Variants in KAT14 observed in about 807,000 individuals in gnomAD.
KAT14 encodes cysteine-rich protein 2-binding protein.
Under a neutral mutation model 78.4 loss-of-function variants are expected in KAT14, and 66 were observed. The ratio of observed to expected loss-of-function variants is 0.84; its 90% CI spans 0.69 to 1.03. The LOEUF (loss-of-function observed/expected upper bound fraction) is 1.03, where lower values mean the gene tolerates loss of function less well. Among genes scored for constraint, KAT14 ranks in the 50% least tolerant of loss-of-function variants. The pLI is 0.00. For synonymous variants in KAT14, 344 were observed against 359.4 expected, an observed-to-expected ratio of 0.96 and a Z score of 0.48; for missense variants, 870 against 972.5, an observed-to-expected ratio of 0.89 and a Z score of 1.40.
chr20:18,169,341 C>T (rs1205202), intron 7 of KAT14, among the ~76,000 whole-genome samples: 49,609 of 152,066 alleles, frequency 0.33, 8,709 homozygotes, highest in East Asian at 0.78. Flanking sequence ...AATCTTATGT[C>T]GAGCAAGTCT....
At chr20:18,169,446 A>G (rs376610384) in intron 7 of KAT14, among the ~76,000 whole-genome samples, 9 of 152,008 alleles carry the variant, frequency 5.9e-5, no homozygotes, top group South Asian at 2.1e-4. Flanking sequence ...TTTCATTATT[A>G]TTATATCTTT....
intron 4 of KAT14, among the ~76,000 whole-genome samples, chr20:18,157,514 A>G (rs1322987026): frequency 6.6e-6 from 1 of 152,220 alleles, no homozygotes; most frequent in Non-Finnish European, 1.5e-5. Flanking sequence ...AGTGGTGTTA[A>G]GTATGTTCAC....
intron 10 of KAT14, among the ~76,000 whole-genome samples, chr20:18,185,203 TG>T (rs1269841445): frequency 6.6e-6 from 1 of 152,196 alleles, no homozygotes; most frequent in African/African-American, 2.4e-5. Flanking sequence ...TTAGCACAAC[TG>T]TATCAATAAG....
intron 4 of KAT14, among the ~76,000 whole-genome samples, chr20:18,154,981 T>C (rs1254236670): frequency 1.3e-5 from 2 of 152,240 alleles, no homozygotes; most frequent in East Asian, 1.9e-4. Context: ...AGTTTTCATA[T>C]ACTTTTTAAC....
At chr20:18,174,022 G>A (rs1449284875) in intron 7 of KAT14, among the ~76,000 whole-genome samples, 6 of 152,128 alleles carry the variant, frequency 3.9e-5, no homozygotes, top group East Asian at 1.9e-4. Context: ...TTGACTTTCT[G>A]CCTCTGTAGA....
chr20:18,162,066 T>C lies in KAT14; in HGVS notation c.926T>C (p.Ile309Thr), dbSNP rs780903900. ...PDVILEKGEV[I>T]DFSSLSSSDR... ...GTGATTCTGGAAAAAGGCGAAGTGATTGACTTTTCCTCCTTGAGCTCCTCT... is the reference window on the plus strand; with the variant it reads ...GTGATTCTGGAAAAAGGCGAAGTGACTGACTTTTCCTCCTTGAGCTCCTCT... The change falls in exon 6 of 11, where the codon ATT becomes ACT. Residue 309 changes from isoleucine to threonine, a missense_variant. Coordinates refer to ENST00000688188, the MANE Select transcript of KAT14 (RefSeq NM_001392073.1). 6.2e-7 allele frequency: 1 copy of C among 1,614,220 alleles called. No homozygotes were observed. The highest frequency in any genetic ancestry group is 8.5e-7 in the Non-Finnish European group (1 of 1,180,048).
At chr20:18,180,483 G>C (rs1400353325) in intron 7 of KAT14, among the ~76,000 whole-genome samples, 1 of 151,682 alleles carries the variant, frequency 6.6e-6, no homozygotes, top group Non-Finnish European at 1.5e-5. Context: ...AACTGTTTCA[G>C]CCTCTGCCTA....
chr20:18,163,215 GTCTC>G (rs748767069), intron 7 of KAT14, among the ~76,000 whole-genome samples: 1 of 151,894 alleles, frequency 6.6e-6, no homozygotes, highest in Non-Finnish European at 1.5e-5. Flanking sequence ...TGTCTCTCTT[GTCTC>G]TCTCTCTCTG....
chr20:18,145,129 G>C, intron 2 of KAT14, 104 bp from the exon 3 acceptor site: 1 of 1,191,920 alleles, frequency 8.4e-7, no homozygotes, highest in South Asian at 1.7e-5. Context: ...CTGAAGAAAA[G>C]AAGACAACAT....
At chr20:18,145,501 A>T in intron 3 of KAT14, 150 bp downstream of exon 3, 1 of 1,268,538 alleles carries the variant, frequency 7.9e-7, no homozygotes, top group Non-Finnish European at 1.1e-6. Flanking sequence ...ATATGTGGAG[A>T]AGGGAGTGAA....
chr20:18,184,491 T>G (rs1351951679), intron 9 of KAT14, 111 bp from the exon 10 acceptor site: 46 of 963,410 alleles, frequency 4.8e-5, no homozygotes, highest in Non-Finnish European at 3.1e-5. Context: ...TGGTGTTTTT[T>G]TTTTTTTTTT....
At chr20:18,180,450 C>T (rs2039206994) in intron 7 of KAT14, among the ~76,000 whole-genome samples, 1 of 152,208 alleles carries the variant, frequency 6.6e-6, no homozygotes, top group Admixed American at 6.5e-5. Context: ...CCCACATTTT[C>T]CTGTCTTCTT....
At chr20:18,145,052 T>G (rs1323341890) in intron 2 of KAT14, 181 bp from the exon 3 acceptor site, 23 of 1,362,112 alleles carry the variant, frequency 1.7e-5, no homozygotes, top group South Asian at 3.8e-5. Context: ...GGGCGTATAC[T>G]TGGTGTTAGA....
In KAT14 at chr20:18,183,232, T is replaced by C. The variant is rs1294586549; in HGVS notation, c.1915T>C (p.Tyr639His). 6.2e-7 allele frequency: 1 copy of C among 1,614,176 alleles called. No homozygotes were observed. Residue 639 changes from tyrosine (Y) to histidine (H), a missense_variant, in exon 9 of 11, where the codon TAC (tyrosine) becomes CAC (histidine). Transcript: ENST00000688188. ...WTPEPDAPLD[Y>H]CYVRPNHIPT... ...GCCGGAGCCCGACGCACCTCTCGATTACTGTTATGTGCGGCCAAATCACAT... is the reference window on the plus strand; with the variant it reads ...GCCGGAGCCCGACGCACCTCTCGATCACTGTTATGTGCGGCCAAATCACAT...
chr20:18,141,922 G>GT (rs201293392), intron 1 of KAT14, among the ~76,000 whole-genome samples: 71 of 149,834 alleles, frequency 4.7e-4, no homozygotes, highest in Admixed American at 1.7e-3. Flanking sequence ...CATAGTGCCA[G>GT]TTTTTTTTTT....
chr20:18,155,480 G>C (rs559226493), intron 4 of KAT14, among the ~76,000 whole-genome samples: 4 of 152,132 alleles, frequency 2.6e-5, no homozygotes, highest in Admixed American at 1.3e-4. Context: ...CCAAATACTG[G>C]GTATTTGTGC....
intron 1 of KAT14, among the ~76,000 whole-genome samples, chr20:18,140,485 C>T (rs796424412): frequency 2.6e-5 from 4 of 152,146 alleles, no homozygotes; most frequent in African/African-American, 9.6e-5. Context: ...GCCCCACTCC[C>T]ATTAATTCTA....
chr20:18,174,879 G>C (rs1264851491), intron 7 of KAT14, among the ~76,000 whole-genome samples: 1 of 151,926 alleles, frequency 6.6e-6, no homozygotes, highest in Non-Finnish European at 1.5e-5. Flanking sequence ...TGGCCAGGCT[G>C]GTCTCGAACT....
In KAT14 at chr20:18,183,233, A is replaced by G; in HGVS notation, c.1916A>G (p.Tyr639Cys). Residue 639 changes from tyrosine to cysteine, a missense_variant, in exon 9 of 11, where the codon TAC (tyrosine) becomes TGC (cysteine). Transcript: ENST00000688188. ...CCGGAGCCCGACGCACCTCTCGATT[A>G]CTGTTATGTGCGGCCAAATCACATC... The part of the protein sequence containing the change: ...WTPEPDAPLD[Y>C]CYVRPNHIPT... 1.2e-6 allele frequency: 2 copies of G among 1,614,056 alleles called. No homozygotes were observed. The highest frequency in any genetic ancestry group is 3.3e-5 in the Admixed American group (2 of 60,012).
Sources: allele counts gnomAD v4.1 joint callset (sites outside exome capture counted in the v4.1 genomes callset), GRCh38; gene constraint gnomAD v4.1.1; transcripts MANE v1.5; gene names NCBI Gene and HGNC (gene_info 2026-07-23, HGNC 2026-07-21).